TENM4: variants seen among roughly 807,000 people sequenced by gnomAD.
TENM4 encodes teneurin transmembrane protein 4, also known as teneurin-4.
TENM4 carries 82 observed loss-of-function variants against 243.3 expected under a neutral mutation model. The observed-to-expected ratio is 0.34, with a 90% CI of 0.28 to 0.40. The LOEUF is 0.40. TENM4 is among the 10% of genes least tolerant of loss of function. The probability of loss-of-function intolerance (pLI) is 1.00; values close to 1 mark genes in which losing one functional copy is unlikely to be tolerated. For synonymous variants in TENM4, 1,412 were observed against 1,456.3 expected (o/e 0.97, Z 0.69); for missense variants, 3,138 against 3,673.3 (o/e 0.85, Z 3.77).
chr11:78,662,302 T>C (rs890458027), intron 32 of TENM4, among the ~76,000 whole-genome samples: 1 of 151,826 alleles, frequency 6.6e-6, no homozygotes, highest in Admixed American at 6.6e-5. Context: ...AGCAATTCCC[T>C]GTGTCAGCCT....
Position 78,658,076 on chromosome 11 carries a change from G to A in TENM4, c.8292C>T (p.Ser2764=), listed in dbSNP as rs768793523. 5.0e-6 allele frequency: 8 copies of A among 1,614,022 alleles called. No homozygotes were observed. Among genetic ancestry groups the A allele is most frequent in the South Asian group, 1.1e-5 (1 of 91,086 alleles). ...SANNIHFMRQ[S]EMGRR is the part of the protein sequence containing the mutation. ...CTCTCTGTCACCTCCGGCCCATCTCGCTCTGTCTCATGAAGTGGATGTTGT... is the reference window on the plus strand; with the variant it reads ...CTCTCTGTCACCTCCGGCCCATCTCACTCTGTCTCATGAAGTGGATGTTGT... The change falls in exon 34 of 34, where the codon AGC becomes AGT. Residue 2764 remains serine, a synonymous_variant. Transcript: ENST00000278550.
chr11:78,788,384 A>C (rs573729479), intron 15 of TENM4, among the ~76,000 whole-genome samples: 28 of 152,350 alleles, frequency 1.8e-4, no homozygotes, highest in African/African-American at 5.5e-4. Flanking sequence ...GTAACACATC[A>C]GATTCTTCAG....
At position 78,712,483 on chromosome 11, in the gene TENM4, C is replaced by T. The variant is rs1565344645; in HGVS notation, c.4053G>A (p.Arg1351=). The T allele has an allele frequency of 1.2e-5, 19 of 1,613,398 alleles. No homozygotes were observed. Among genetic ancestry groups the T allele is most frequent in the Non-Finnish European group, 1.4e-5 (17 of 1,179,466 alleles). The stretch of plus-strand genomic sequence containing the variant: ...AATGTCTCTAAGGCAAGGCCTTACC[C>T]CTGGGATTGGTGAGTGTGGCTTCTG... ...KATEATLTNP[R]GITVDKFGLI... Residue 1351 remains arginine (R), a splice_region_variant and synonymous_variant, in exon 26 of 34, where the codon AGG becomes AGA. Transcript: ENST00000278550.
intron 2 of TENM4, among the ~76,000 whole-genome samples, chr11:79,242,701 A>T (rs1163353087): frequency 1.3e-5 from 2 of 152,248 alleles, no homozygotes; most frequent in African/African-American, 4.8e-5. Flanking sequence ...AAAGTGGAGC[A>T]TTTAGTGGTT....
intron 28 of TENM4, among the ~76,000 whole-genome samples, chr11:78,691,528 T>G (rs72939803): frequency 6.6e-6 from 1 of 152,342 alleles, no homozygotes; most frequent in Non-Finnish European, 1.5e-5. Flanking sequence ...AAAACAACTC[T>G]TACTAAATAA....
At chr11:79,173,720 G>C (rs1344893418) in intron 3 of TENM4, among the ~76,000 whole-genome samples, 1 of 152,308 alleles carries the variant, frequency 6.6e-6, no homozygotes, top group Non-Finnish European at 1.5e-5. Flanking sequence ...GCCTGGTGCA[G>C]AGCTGCTGGC....
intron 19 of TENM4, among the ~76,000 whole-genome samples, chr11:78,753,273 A>G (rs970541663): frequency 6.6e-6 from 1 of 152,208 alleles, no homozygotes; most frequent in African/African-American, 2.4e-5. Context: ...AACAGCTTTC[A>G]TGAAAGAGTA....
intron 1 of TENM4, among the ~76,000 whole-genome samples, chr11:79,415,126 T>C (rs542554255): frequency 2.4e-4 from 36 of 152,344 alleles, no homozygotes; most frequent in Non-Finnish European, 3.5e-4. Flanking sequence ...ATTAAGACTG[T>C]CTCTCTCTTG....
At chr11:78,937,683 T>C (rs992249427) in intron 6 of TENM4, among the ~76,000 whole-genome samples, 10 of 152,170 alleles carry the variant, frequency 6.6e-5, no homozygotes, top group Non-Finnish European at 4.4e-5. Flanking sequence ...GAAATTCCAC[T>C]ACCAAGCCAA....
chr11:79,409,087 TGTGTGTGTGTGTGTGCGCGC>T (rs1335312298), intron 1 of TENM4, among the ~76,000 whole-genome samples: 159 of 119,916 alleles, frequency 1.3e-3, no homozygotes, highest in African/African-American at 4.9e-3. Context: ...TGTGTGTGTG[TGTGTGTGTGTGTGTGCGCGC>T]GCGCGCGTGC....
intron 32 of TENM4, among the ~76,000 whole-genome samples, chr11:78,665,065 T>C (rs1048552853): frequency 2.6e-5 from 4 of 152,198 alleles, no homozygotes; most frequent in Non-Finnish European, 4.4e-5. Flanking sequence ...AAATTCCTCT[T>C]CACTCATCCA....
intron 1 of TENM4, among the ~76,000 whole-genome samples, chr11:79,358,676 CCCTCCCTCCCTTGCCTCCCTTG>C (rs1299685512): frequency 1.5e-5 from 2 of 136,372 alleles, no homozygotes; most frequent in East Asian, 4.1e-4. Context: ...CCTTCTCCTT[CCCTCCCTCCCTTGCCTCCCTTG>C]CCTCCCTCCC....
chr11:78,688,290 C>T, intron 28 of TENM4, 64 bp from the exon 29 acceptor site: 1 of 1,517,824 alleles, frequency 6.6e-7, no homozygotes, highest in Non-Finnish European at 9.0e-7. Flanking sequence ...GAACTTGGTG[C>T]ATTCTACCTC....
chr11:79,081,562 C>T (rs1203457606), intron 4 of TENM4, among the ~76,000 whole-genome samples: 1 of 34,868 alleles, frequency 2.9e-5, no homozygotes, highest in Non-Finnish European at 7.5e-5. Context: ...TGTGTGTGTG[C>T]ATGCACACAT....
chr11:78,722,580 C>T, intron 24 of TENM4, 88 bp downstream of exon 24: 3 of 1,528,870 alleles, frequency 2.0e-6, no homozygotes, highest in Non-Finnish European at 2.6e-6. Flanking sequence ...TATCCCACTT[C>T]CCTGGGCTCA....
In TENM4 at chr11:78,676,347, G is replaced by A; in HGVS notation, c.5301C>T (p.Ser1767=). Residue 1767 remains serine (S), a synonymous_variant, in exon 30 of 34, where the codon TCC becomes TCT. Coordinates refer to ENST00000278550, the MANE Select transcript of TENM4 (RefSeq NM_001098816.3). ...RNSYYIGADG[S]LRLLLANGME... Reference sequence around the variant, plus strand: ...TGCCGTTGGCCAGCAGCAGCCGCAAGGAGCCATCGGCCCCGATGTAGTAGC... The same window carrying A: ...TGCCGTTGGCCAGCAGCAGCCGCAAAGAGCCATCGGCCCCGATGTAGTAGC... The A allele has an allele frequency of 6.2e-7, 1 of 1,608,702 alleles. No individual in the cohort carries two copies. The highest frequency in any genetic ancestry group is 8.5e-7 in the Non-Finnish European group (1 of 1,175,622).
At chr11:78,952,872 A>G (rs1362165688) in intron 6 of TENM4, among the ~76,000 whole-genome samples, 1 of 152,096 alleles carries the variant, frequency 6.6e-6, no homozygotes, top group Non-Finnish European at 1.5e-5. Flanking sequence ...GGTCACTGAG[A>G]TAGTGGGGAA....
intron 6 of TENM4, among the ~76,000 whole-genome samples, chr11:79,013,308 C>A (rs1231990451): frequency 6.6e-6 from 1 of 152,218 alleles, no homozygotes; most frequent in Non-Finnish European, 1.5e-5. Flanking sequence ...TAATATCTTA[C>A]CTATCTTTCC....
At chr11:79,190,389 C>T (rs1278778413) in intron 3 of TENM4, among the ~76,000 whole-genome samples, 1 of 152,144 alleles carries the variant, frequency 6.6e-6, no homozygotes, top group Non-Finnish European at 1.5e-5. Flanking sequence ...GGCCTTGCAC[C>T]TTGTAAATGG....
Sources: allele counts gnomAD v4.1 joint callset (sites outside exome capture counted in the v4.1 genomes callset), GRCh38; gene constraint gnomAD v4.1.1; transcripts MANE v1.5; gene names NCBI Gene and HGNC (gene_info 2026-07-23, HGNC 2026-07-21).